Variants in STUM observed in about 807,000 individuals in gnomAD.
STUM encodes the protein stum, mechanosensory transduction mediator homolog.
A neutral mutation model predicts 15.3 loss-of-function variants in STUM; 8 were observed. The observed-to-expected ratio is 0.52, with a 90% CI of 0.31 to 0.94. STUM has a LOEUF of 0.94. STUM is among the 40% of genes least tolerant of loss of function. The pLI, the probability that STUM is intolerant of heterozygous loss-of-function variation, is 0.05. For synonymous variants in STUM, 78 were observed against 88.7 expected (o/e 0.88, Z 0.68); for missense variants, 142 against 204.9 (o/e 0.69, Z 1.87).
At position 226,552,122 on chromosome 1, in the gene STUM, C is replaced by T. The variant is rs555654172; in HGVS notation, c.202+3016C>T. Among the ~76,000 whole-genome samples the T allele has an allele frequency of 2.3e-4, 35 of 152,162 alleles. No homozygotes were observed. Among genetic ancestry groups the T allele is most frequent in the African/African-American group, 8.4e-4 (35 of 41,496 alleles). The stretch of plus-strand genomic sequence containing the variant: ...TTTGATGTAGGTGTCTCAGGTCCAT[C>T]CAGTCTGCAGGACCAGCTGTGGAGA... On this transcript the variant is annotated intron_variant, in intron 1 of 3. Transcript: ENST00000366788. This position sits in a 1 kb window ranked among gnomAD's most constrained non-coding sequence, Gnocchi z 4.7.
At chr1:226,590,586 T>A (rs1668069419) in intron 1 of STUM, among the ~76,000 whole-genome samples, 2 of 152,146 alleles carry the variant, frequency 1.3e-5, no homozygotes, top group African/African-American at 4.8e-5. Flanking sequence ...GTGACCTCAT[T>A]CACTTCCAAC....
chr1:226,574,774 C>T (rs567584840), intron 1 of STUM, among the ~76,000 whole-genome samples: 2 of 152,052 alleles, frequency 1.3e-5, no homozygotes, highest in Non-Finnish European at 2.9e-5. Context: ...GAGGTGGGGA[C>T]GTTACCGTTG....
rs764268190 is a variant in STUM at position 226,608,821 on chromosome 1, C to T, written c.*6781C>T. The T allele has an allele frequency of 3.9e-5, 6 of 152,284 alleles. No individual in the cohort carries two copies. Among genetic ancestry groups the T allele is most frequent in the African/African-American group, 1.2e-4 (5 of 41,424 alleles). 9.4% of individuals were successfully genotyped at this position (152,284 alleles called of 1,614,324 possible). On this transcript the variant is annotated 3_prime_UTR_variant, in exon 4 of 4. Transcript: ENST00000366788. This position sits in a 1 kb window ranked among gnomAD's most constrained non-coding sequence, Gnocchi z 4.0. ...AACCCTGCAGCCTGGGGCCCCAGCC[C>T]GCCTGCAGCTCAGCTTTCCCCAACA...
intron 1 of STUM, among the ~76,000 whole-genome samples, chr1:226,574,997 C>T (rs886776354): frequency 2.7e-4 from 41 of 152,320 alleles, no homozygotes; most frequent in African/African-American, 9.9e-4. Flanking sequence ...GGGCTCCTTG[C>T]TGTCCGGGCT....
At chr1:226,578,359 C>CTTTTTTTTTTTTTT (rs34568214) in intron 1 of STUM, among the ~76,000 whole-genome samples, 1 of 67,258 alleles carries the variant, frequency 1.5e-5, no homozygotes, top group Non-Finnish European at 2.6e-5. Context: ...CAACCCCCAG[C>CTTTTTTTTTTTTTT]TTTTTTTTTT....
intron 1 of STUM, among the ~76,000 whole-genome samples, chr1:226,566,997 G>A (rs1348790536): frequency 6.6e-6 from 1 of 152,176 alleles, no homozygotes; most frequent in Non-Finnish European, 1.5e-5. Context: ...GCTGCTTCCC[G>A]CAAATGCTGC....
At chr1:226,562,924 A>C (rs997701831) in intron 1 of STUM, among the ~76,000 whole-genome samples, 1 of 152,214 alleles carries the variant, frequency 6.6e-6, no homozygotes, top group East Asian at 1.9e-4. Flanking sequence ...TATATAAGAG[A>C]ATATCTTTGT....
Position 226,565,367 on chromosome 1 carries a change from CT to C in STUM, c.202+16262del, listed in dbSNP as rs1254174954. On this transcript the variant is annotated intron_variant, in intron 1 of 3. Coordinates refer to ENST00000366788, the MANE Select transcript of STUM (RefSeq NM_001003665.4). This position sits in a 1 kb window ranked among gnomAD's most constrained non-coding sequence, Gnocchi z 4.4. ...AGCCTTTGCTTCCTGCTGGGACCCCCTGGTCACACAGAGATGTTTGTTTTTA... is the reference window on the plus strand; with the variant it reads ...AGCCTTTGCTTCCTGCTGGGACCCCCGGTCACACAGAGATGTTTGTTTTTA... Among the ~76,000 whole-genome samples the C allele has an allele frequency of 1.3e-5, 2 of 152,150 alleles. No homozygotes were observed. The highest frequency in any genetic ancestry group is 1.5e-5 in the Non-Finnish European group (1 of 68,026).
intron 1 of STUM, among the ~76,000 whole-genome samples, chr1:226,554,733 C>G (rs1254326795): frequency 1.3e-5 from 2 of 152,204 alleles, no homozygotes; most frequent in South Asian, 2.1e-4. Context: ...CCCAGCAGCA[C>G]ACATCCATGC....
chr1:226,597,607 G>A (rs1668203544), intron 2 of STUM, among the ~76,000 whole-genome samples: 2 of 152,154 alleles, frequency 1.3e-5, no homozygotes, highest in Non-Finnish European at 1.5e-5. Context: ...GGGTTCAGGG[G>A]CCCTAGAATT....
At chr1:226,570,588 G>A (rs961619233) in intron 1 of STUM, among the ~76,000 whole-genome samples, 2 of 152,190 alleles carry the variant, frequency 1.3e-5, no homozygotes, top group Non-Finnish European at 2.9e-5. Flanking sequence ...CCTCCACCTG[G>A]CTTCCTTCTG....
At chr1:226,559,326 C>T (rs761658755) in intron 1 of STUM, among the ~76,000 whole-genome samples, 3 of 152,256 alleles carry the variant, frequency 2.0e-5, no homozygotes, top group Middle Eastern at 3.4e-3. Context: ...AACTTTAGGG[C>T]GGCTGCAACC....
intron 1 of STUM, among the ~76,000 whole-genome samples, chr1:226,589,104 T>G (rs1286274145): frequency 2.0e-5 from 3 of 152,196 alleles, no homozygotes; most frequent in Non-Finnish European, 4.4e-5. Flanking sequence ...AAGCAGCTGC[T>G]TCGGAAGACA....
At position 226,549,292 on chromosome 1, in the gene STUM, G is replaced by A. The variant is rs1418857064; in HGVS notation, c.202+186G>A. Among the ~76,000 whole-genome samples the A allele has an allele frequency of 6.6e-6, 1 of 152,178 alleles. No individual in the cohort carries two copies. Among genetic ancestry groups the A allele is most frequent in the Non-Finnish European group, 1.5e-5 (1 of 68,020 alleles). On this transcript the variant is annotated intron_variant, in intron 1 of 3. Coordinates refer to ENST00000366788, the MANE Select transcript of STUM (RefSeq NM_001003665.4). The surrounding 1 kb of genome is among the most constrained non-coding windows in gnomAD (Gnocchi z 6.8). ...AAGCGCGTGGAGTGTGCACCCCAGA[G>A]GGGAGAGGCTGCGCTGGGGTCTCCG...
rs1667945795 is a variant in STUM at position 226,583,158 on chromosome 1, G to A, written c.203-13644G>A. Among the ~76,000 whole-genome samples the A allele has an allele frequency of 2.6e-5, 4 of 152,286 alleles. No homozygotes were observed. In the South Asian group the frequency reaches 6.2e-4, roughly 24 times the overall value. On this transcript the variant is annotated intron_variant, in intron 1 of 3. Transcript: ENST00000366788. ...GTGCCACTTCCCCTGCATTATATTG[G>A]CCAAGGAAAGTCCCAGGGCCAGCCT...
chr1:226,560,940 G>A (rs748850667), intron 1 of STUM, among the ~76,000 whole-genome samples: 11 of 152,110 alleles, frequency 7.2e-5, no homozygotes, highest in African/African-American at 1.7e-4. Flanking sequence ...TCTTTCCCTC[G>A]CTTTATGTAG....
At chr1:226,596,651 G>T in intron 1 of STUM, 151 bp from the exon 2 acceptor site, 1 of 669,658 alleles carries the variant, frequency 1.5e-6, no homozygotes, top group East Asian at 2.7e-5. Flanking sequence ...GTCTGGGCAG[G>T]GGTGCCACTC....
chr1:226,602,411 C>T lies in STUM; in HGVS notation c.*371C>T, dbSNP rs909523659. 2 of 261,770 alleles carry T rather than the reference C, an allele frequency of 7.6e-6. No homozygotes were observed. The highest frequency in any genetic ancestry group is 1.2e-4 in the South Asian group (2 of 17,272). The allele number at this position is 261,770 out of a possible 1,614,324, so 16.2% of individuals were successfully genotyped here. Reference sequence around the variant, plus strand: ...TGGGCCGGGCCACACCGGGCCCTGTCTGGGTGAGCAGGGGCTCACCAAGGG... The same window carrying T: ...TGGGCCGGGCCACACCGGGCCCTGTTTGGGTGAGCAGGGGCTCACCAAGGG... On this transcript the variant is annotated 3_prime_UTR_variant, in exon 4 of 4. Transcript: ENST00000366788.
chr1:226,591,720 C>T (rs1196642219), intron 1 of STUM, among the ~76,000 whole-genome samples: 1 of 152,186 alleles, frequency 6.6e-6, no homozygotes, highest in Non-Finnish European at 1.5e-5. Flanking sequence ...TCCTTATGCT[C>T]AAAACTTTCA....
Sources: allele counts gnomAD v4.1 joint callset (sites outside exome capture counted in the v4.1 genomes callset), GRCh38; gene constraint gnomAD v4.1.1; non-coding constraint Gnocchi (gnomAD v3.1); transcripts MANE v1.5; gene names NCBI Gene and HGNC (gene_info 2026-07-23, HGNC 2026-07-21).